Variants in DMD observed in about 807,000 individuals in gnomAD.
DMD encodes dystrophin, also known as mutant dystrophin.
DMD carries 63 observed loss-of-function variants against 330.1 expected under a neutral mutation model. The observed-to-expected ratio is 0.19, with a 90% CI of 0.16 to 0.24. The LOEUF is 0.24. Ranked by LOEUF, DMD falls within the 10% of genes least tolerant of loss-of-function variation. The probability of loss-of-function intolerance (pLI) is 1.00; values close to 1 mark genes in which losing one functional copy is unlikely to be tolerated. For synonymous variants in DMD, 1,223 were observed against 959.8 expected, an observed-to-expected ratio of 1.27 and a Z score of -5.07; for missense variants, 3,344 against 2,684.1, an observed-to-expected ratio of 1.25 and a Z score of -5.43.
intron 52 of DMD, among the ~76,000 whole-genome samples, chrX:31,722,588 C>G (rs1229097547): frequency 4.5e-5 from 5 of 111,299 alleles, no homozygotes; most frequent in Non-Finnish European, 9.4e-5. Context: ...ATACTGAGGG[C>G]TGCATCAGAA....
rs1479364139 is a variant in DMD at position 31,291,649 on chromosome X, A to C, written c.9225-30633T>G. Among the ~76,000 whole-genome samples the C allele has an allele frequency of 6.3e-5, 7 of 111,769 alleles. No individual in the cohort carries two copies. The Admixed American group carries it at 6.7e-4, about 11-fold the overall frequency. On this transcript the variant is annotated intron_variant, in intron 62 of 78. Transcript: ENST00000357033. ...TTAAGAAATAAACACTGTAATTATA[A>C]ATTTTCCCACTAGGAAAATTCCAAG...
chrX:33,094,237 G>A (rs1420315428), intron 1 of DMD, among the ~76,000 whole-genome samples: 1 of 111,474 alleles, frequency 9.0e-6, no homozygotes, highest in African/African-American at 3.3e-5. Context: ...CAACAACACT[G>A]ACTTTTATGC....
intron 4 of DMD, among the ~76,000 whole-genome samples, chrX:32,827,165 T>G (rs1315581649): frequency 9.4e-6 from 1 of 106,135 alleles, no homozygotes; most frequent in Non-Finnish European, 1.9e-5. Context: ...GAAAAACAAT[T>G]AGGTAGGCAA....
intron 11 of DMD, among the ~76,000 whole-genome samples, chrX:32,618,805 C>A (rs2057777827): frequency 1.8e-5 from 2 of 110,689 alleles, no homozygotes; most frequent in Non-Finnish European, 3.8e-5. Flanking sequence ...GTATTACGTA[C>A]CTGCAAAAGT....
intron 59 of DMD, 108 bp from the exon 60 acceptor site, chrX:31,444,735 T>G: frequency 1.2e-6 from 1 of 853,848 alleles, no homozygotes. Flanking sequence ...ATGTTTGCTC[T>G]ATGCTACGGT....
intron 50 of DMD, among the ~76,000 whole-genome samples, chrX:31,776,875 G>C (rs1023394438): frequency 8.9e-6 from 1 of 111,841 alleles, no homozygotes; most frequent in Non-Finnish European, 1.9e-5. Context: ...CCATCCCTGC[G>C]CCAGTCATGG....
intron 43 of DMD, among the ~76,000 whole-genome samples, chrX:32,262,479 A>T (rs1252917639): frequency 9.0e-6 from 1 of 111,718 alleles, no homozygotes; most frequent in African/African-American, 3.3e-5. Context: ...TGTACTATTT[A>T]AATGTGTAGC....
chrX:32,507,726 A>G (rs1263980384), intron 18 of DMD, among the ~76,000 whole-genome samples: 1 of 111,806 alleles, frequency 8.9e-6, no homozygotes, highest in Non-Finnish European at 1.9e-5. Flanking sequence ...TGAAAATAAG[A>G]TTCCTTATAC....
chrX:31,394,880 A>T (rs1250733322), intron 60 of DMD, among the ~76,000 whole-genome samples: 2 of 107,274 alleles, frequency 1.9e-5, no homozygotes, highest in African/African-American at 6.9e-5. Flanking sequence ...GATCACAATG[A>T]ATAGCTAGGC....
At chrX:33,075,867 C>T (rs2094832801) in intron 1 of DMD, among the ~76,000 whole-genome samples, 1 of 111,793 alleles carries the variant, frequency 8.9e-6, no homozygotes, top group African/African-American at 3.3e-5. Flanking sequence ...AATGACAACC[C>T]TTCCCCAAAA....
At chrX:32,402,690 C>A (rs2098093009) in intron 30 of DMD, among the ~76,000 whole-genome samples, 1 of 111,424 alleles carries the variant, frequency 9.0e-6, no homozygotes, top group Non-Finnish European at 1.9e-5. Flanking sequence ...TCAGTCTTTC[C>A]TTTTCATGTG....
intron 11 of DMD, among the ~76,000 whole-genome samples, chrX:32,634,435 G>A (rs1007491677): frequency 5.4e-5 from 6 of 111,983 alleles, no homozygotes; most frequent in African/African-American, 1.9e-4. Flanking sequence ...AGCTGGGAAT[G>A]TACTGGGTCA....
At chrX:31,156,784 C>G (rs1047019168) in intron 74 of DMD, among the ~76,000 whole-genome samples, 1 of 112,011 alleles carries the variant, frequency 8.9e-6, no homozygotes, top group Non-Finnish European at 1.9e-5. Flanking sequence ...AAAGAAAGCA[C>G]TTAATTATCT....
intron 37 of DMD, among the ~76,000 whole-genome samples, chrX:32,349,159 T>C (rs1411446623): frequency 9.0e-6 from 1 of 111,584 alleles, no homozygotes; most frequent in Non-Finnish European, 1.9e-5. Context: ...TAAACATCAG[T>C]TTCTTTACTT....
At chrX:32,342,996 AAC>A in intron 40 of DMD, 136 bp downstream of exon 40, 1 of 628,147 alleles carries the variant, frequency 1.6e-6, no homozygotes. Flanking sequence ...TACTGAAAAC[AAC>A]ACACAATACA....
Position 33,244,740 on chromosome X carries a change from G to A in DMD, c.7+94519C>T, listed in dbSNP as rs752183090. Among the ~76,000 whole-genome samples, 60 of 111,711 alleles carry A rather than the reference G, an allele frequency of 5.4e-4. 1 individual carries two copies. In the South Asian group the frequency reaches 5.6e-3, roughly 10 times the overall value. On this transcript the variant is annotated intron_variant, in intron 1 of 17. Transcript: ENST00000288447. ...ACAGGAACAGAGTTTCTTGAGCACA[G>A]CTGAGCTTCCCAAATGCCATAGAAA... is the stretch of plus-strand genomic sequence containing the variant.
intron 59 of DMD, among the ~76,000 whole-genome samples, chrX:31,471,612 T>C (rs1245666987): frequency 8.9e-6 from 1 of 112,447 alleles, no homozygotes; most frequent in Admixed American, 9.4e-5. Context: ...GCCAGCCACT[T>C]CTTTGGTCAG....
intron 2 of DMD, among the ~76,000 whole-genome samples, chrX:32,962,974 A>G (rs994245307): frequency 9.0e-6 from 1 of 111,575 alleles, no homozygotes; most frequent in Non-Finnish European, 1.9e-5. Context: ...ATGGATCTAC[A>G]CAACCTCTGG....
intron 7 of DMD, among the ~76,000 whole-genome samples, chrX:32,769,663 C>T (rs1213250790): frequency 9.0e-6 from 1 of 111,566 alleles, no homozygotes; most frequent in East Asian, 2.8e-4. Context: ...TTGCACCAGG[C>T]CATCAAGACT....
Sources: gnomAD v4.1 joint callset for allele counts (sites outside exome capture counted in the v4.1 genomes callset) on GRCh38, gnomAD v4.1.1 for gene constraint, MANE v1.5 for transcripts, NCBI Gene and HGNC (gene_info 2026-07-23, HGNC 2026-07-21) for gene names.